GRM8: variants seen among roughly 807,000 people sequenced by gnomAD.
GRM8 encodes glutamate metabotropic receptor 8.
Under a neutral mutation model 87.2 loss-of-function variants are expected in GRM8, and 47 were observed. The ratio of observed to expected loss-of-function variants is 0.54; its 90% CI spans 0.43 to 0.69. GRM8 has a LOEUF of 0.69. GRM8 is among the 30% of genes least tolerant of loss of function. The probability of loss-of-function intolerance (pLI) is 0.00; values close to 1 mark genes in which losing one functional copy is unlikely to be tolerated. For missense variants in GRM8, 1,019 were observed against 1,139.2 expected, an observed-to-expected ratio of 0.89 and a Z score of 1.52; for synonymous variants, 396 against 404.5, an observed-to-expected ratio of 0.98 and a Z score of 0.25.
intron 4 of GRM8, 110 bp from the exon 5 acceptor site, chr7:126,904,236 T>A: frequency 2.3e-6 from 2 of 883,690 alleles, no homozygotes; most frequent in Non-Finnish European, 3.5e-6. Context: ...GGTCACTGTT[T>A]AACAATTAAG....
chr7:127,087,032 A>G (rs1288591893), intron 3 of GRM8, among the ~76,000 whole-genome samples: 3 of 152,322 alleles, frequency 2.0e-5, no homozygotes, highest in South Asian at 4.1e-4. Context: ...AAAGGAGAGC[A>G]CCTCCAGTTA....
At chr7:126,904,235 T>C (rs1407682700) in intron 4 of GRM8, 109 bp from the exon 5 acceptor site, 1 of 883,422 alleles carries the variant, frequency 1.1e-6, no homozygotes, top group Non-Finnish European at 1.8e-6. Context: ...AGGTCACTGT[T>C]TAACAATTAA....
chr7:126,833,922 G>A (rs1414667860), intron 6 of GRM8, among the ~76,000 whole-genome samples: 1 of 152,166 alleles, frequency 6.6e-6, no homozygotes, highest in Non-Finnish European at 1.5e-5. Context: ...TTCAAAAGCA[G>A]TCCAGGAAAT....
chr7:127,251,740 G>A (rs1046779219), intron 1 of GRM8, among the ~76,000 whole-genome samples: 1 of 151,616 alleles, frequency 6.6e-6, no homozygotes, highest in African/African-American at 2.4e-5. Context: ...AACTGGGGCC[G>A]CGCCAGCCGC....
At chr7:127,245,734 C>T (rs1225377857) in intron 1 of GRM8, among the ~76,000 whole-genome samples, 1 of 152,160 alleles carries the variant, frequency 6.6e-6, no homozygotes, top group African/African-American at 2.4e-5. Context: ...AAATGGAAAA[C>T]TAGAGGTTCA....
At chr7:127,197,657 A>G (rs991608754) in intron 2 of GRM8, among the ~76,000 whole-genome samples, 4 of 152,134 alleles carry the variant, frequency 2.6e-5, no homozygotes, top group African/African-American at 9.7e-5. Context: ...AGTGAACAAT[A>G]TAAAGGTAAA....
At chr7:126,877,563 A>G (rs1431878752) in intron 6 of GRM8, among the ~76,000 whole-genome samples, 1 of 151,740 alleles carries the variant, frequency 6.6e-6, no homozygotes, top group Non-Finnish European at 1.5e-5. Flanking sequence ...GACTACTCAA[A>G]TTTCTCATCT....
At chr7:126,823,821 C>T (rs898218380) in intron 6 of GRM8, among the ~76,000 whole-genome samples, 1 of 152,154 alleles carries the variant, frequency 6.6e-6, no homozygotes, top group South Asian at 2.1e-4. Flanking sequence ...ATTTATGGTA[C>T]AGCAGCTTAA....
intron 2 of GRM8, among the ~76,000 whole-genome samples, chr7:127,157,354 T>A (rs375704497): frequency 2.6e-5 from 4 of 152,266 alleles, no homozygotes; most frequent in South Asian, 4.2e-4. Flanking sequence ...CACTGAAGGT[T>A]CTTAACTTGT....
At chr7:126,460,337 A>G (rs1375123800) in intron 9 of GRM8, among the ~76,000 whole-genome samples, 1 of 151,630 alleles carries the variant, frequency 6.6e-6, no homozygotes, top group African/African-American at 2.4e-5. Flanking sequence ...TGTACTGATT[A>G]CACAAATTGG....
intron 2 of GRM8, among the ~76,000 whole-genome samples, chr7:127,214,358 T>C (rs1796393823): frequency 1.3e-5 from 2 of 152,358 alleles, no homozygotes; most frequent in South Asian, 4.1e-4. Context: ...TATATCCTTA[T>C]GATTTTTAAA....
intron 2 of GRM8, among the ~76,000 whole-genome samples, chr7:127,134,704 T>C (rs979767203): frequency 1.3e-5 from 2 of 152,158 alleles, no homozygotes; most frequent in Non-Finnish European, 2.9e-5. Context: ...ACATATTTCC[T>C]GGTCTGTTAA....
chr7:126,918,621 C>T (rs1804180037), intron 3 of GRM8, among the ~76,000 whole-genome samples: 2 of 152,272 alleles, frequency 1.3e-5, no homozygotes, highest in East Asian at 3.9e-4. Context: ...TGATAAAACA[C>T]ATCAGAACTT....
At chr7:127,230,653 T>C (rs143161179) in intron 2 of GRM8, among the ~76,000 whole-genome samples, 68 of 152,280 alleles carry the variant, frequency 4.5e-4, no homozygotes, top group African/African-American at 1.2e-3. Flanking sequence ...GGAGCCCTTG[T>C]AAGCGCCCTT....
intron 3 of GRM8, among the ~76,000 whole-genome samples, chr7:126,945,113 G>A: frequency 6.6e-6 from 1 of 151,804 alleles, no homozygotes; most frequent in Non-Finnish European, 1.5e-5. Flanking sequence ...ATGTGTAGAT[G>A]TTTACTCTAG....
intron 2 of GRM8, among the ~76,000 whole-genome samples, chr7:127,135,075 T>C (rs1827875667): frequency 6.6e-6 from 1 of 152,138 alleles, no homozygotes; most frequent in Non-Finnish European, 1.5e-5. Context: ...GTCTTTTTTT[T>C]AGATCAATGA....
At chr7:127,056,408 T>C (rs1819991102) in intron 3 of GRM8, among the ~76,000 whole-genome samples, 1 of 152,114 alleles carries the variant, frequency 6.6e-6, no homozygotes, top group Admixed American at 6.5e-5. Flanking sequence ...GCCTGGCAGG[T>C]CTGCATGGGT....
At position 127,169,001 on chromosome 7, in the gene GRM8, A is replaced by T. The variant is rs562234031; in HGVS notation, c.511-62289T>A. Among the ~76,000 whole-genome samples the T allele has an allele frequency of 4.7e-3, 97 of 20,518 alleles. 1 individual carries two copies. The highest frequency in any genetic ancestry group is 0.033 in the South Asian group (24 of 724). 13.5% of individuals were successfully genotyped at this position (20,518 alleles called of 152,430 possible). A position where few individuals can be genotyped will look rare whatever the true frequency, so the allele number is the denominator to read the frequency against. On this transcript the variant is annotated intron_variant, in intron 2 of 10. Coordinates refer to ENST00000339582, the MANE Select transcript of GRM8 (RefSeq NM_000845.3). ...TCTGCACATGTACTGCAGAAACTAT[A>T]AAAAAAAAAAAAACCTCTAACTTTT...
chr7:126,908,486 T>C (rs1304920848), intron 3 of GRM8, among the ~76,000 whole-genome samples: 1 of 152,204 alleles, frequency 6.6e-6, no homozygotes, highest in Non-Finnish European at 1.5e-5. Flanking sequence ...TTTAATTAAA[T>C]TGCCATGATT....
Sources: gnomAD v4.1 joint callset for allele counts (sites outside exome capture counted in the v4.1 genomes callset) on GRCh38, gnomAD v4.1.1 for gene constraint, MANE v1.5 for transcripts, NCBI Gene and HGNC (gene_info 2026-07-23, HGNC 2026-07-21) for gene names.